FER1L5: variants seen among roughly 807,000 people sequenced by gnomAD.
FER1L5 encodes the protein fer-1 like family member 5.
In FER1L5, 187 loss-of-function variants were observed where a neutral mutation model predicts 279.9. That is an observed-to-expected ratio of 0.67 (90% CI 0.59 to 0.75). The LOEUF (loss-of-function observed/expected upper bound fraction) is 0.75, where lower values mean the gene tolerates loss of function less well. Ranked by LOEUF, FER1L5 falls within the 30% of genes least tolerant of loss-of-function variation. The pLI is 0.00. For missense variants in FER1L5, 2,091 were observed against 2,594.4 expected, an observed-to-expected ratio of 0.81 and a Z score of 4.21; for synonymous variants, 921 against 989.7, an observed-to-expected ratio of 0.93 and a Z score of 1.30.
rs1479650672 is a variant in FER1L5 at position 96,689,604 on chromosome 2, G to A, written c.2526-40G>A. ...CAGAAGACGGCCCTAGGGGCTGCTT[G>A]GGGAGTTGTGCTGGGAACTTGGGGT... On this transcript the variant is annotated intron_variant, in intron 25 of 52. Coordinates refer to ENST00000624922, the MANE Select transcript of FER1L5 (RefSeq NM_001293083.2). The surrounding 1 kb of genome is among the most constrained non-coding windows in gnomAD (Gnocchi z 4.6). 6.5e-7 allele frequency: 1 copy of A among 1,528,782 alleles called. No homozygotes were observed. The highest frequency in any genetic ancestry group is 8.9e-7 in the Non-Finnish European group (1 of 1,127,020). The allele number at this position is 1,528,782 out of a possible 1,614,324, so 94.7% of individuals were successfully genotyped here.
chr2:96,692,024 G>GGC lies in FER1L5; in HGVS notation c.3214+62_3214+63insCG, dbSNP rs1553461281. On this transcript the variant is annotated intron_variant, in intron 30 of 52. Coordinates refer to ENST00000624922, the MANE Select transcript of FER1L5 (RefSeq NM_001293083.2). ...CAGAGGCCAGTACCCGAGGGCGGGG[G>GGC]GGGGGGACAGGGTGGGGGCAGTCAG... The GGC allele has an allele frequency of 5.9e-6, 8 of 1,345,046 alleles. No individual in the cohort carries two copies. In the African/African-American group the frequency reaches 8.7e-5, roughly 15 times the overall value. 83.3% of individuals were successfully genotyped at this position (1,345,046 alleles called of 1,614,324 possible).
chr2:96,701,829 A>T (rs2077596210), intron 45 of FER1L5, 126 bp from the exon 46 acceptor site: 1 of 819,926 alleles, frequency 1.2e-6, no homozygotes, highest in Non-Finnish European at 2.0e-6. Context: ...ATATCTCTGT[A>T]CCCCACCCCT....
At chr2:96,659,240 G>A (rs921686571) in intron 9 of FER1L5, among the ~76,000 whole-genome samples, 1 of 150,972 alleles carries the variant, frequency 6.6e-6, no homozygotes, top group East Asian at 1.9e-4. Context: ...TCTTAACAGT[G>A]TCTTTCAAAA....
At chr2:96,658,441 C>G (rs1380278850) in intron 9 of FER1L5, among the ~76,000 whole-genome samples, 1 of 151,188 alleles carries the variant, frequency 6.6e-6, no homozygotes, top group Admixed American at 6.6e-5. Flanking sequence ...CTCAGCCTCC[C>G]GAGTAGCTGG....
In FER1L5 at chr2:96,695,491, C is replaced by A; in HGVS notation, c.3742-18C>A. On this transcript the variant is annotated intron_variant, in intron 34 of 52. Coordinates refer to ENST00000624922, the MANE Select transcript of FER1L5 (RefSeq NM_001293083.2). ...CGCTGCCTGCCCCTTGTCCTGCCCT[C>A]CTTCTTTGTTCTGGTAGATCCTGGC... 1 of 1,568,704 alleles carries A rather than the reference C, an allele frequency of 6.4e-7. No individual in the cohort carries two copies. The highest frequency in any genetic ancestry group is 2.3e-5 in the East Asian group (1 of 43,068).
intron 24 of FER1L5, among the ~76,000 whole-genome samples, chr2:96,688,407 A>G (rs955217044): frequency 2.6e-5 from 4 of 152,158 alleles, no homozygotes; most frequent in African/African-American, 7.2e-5. Flanking sequence ...GTGAAGGCCT[A>G]GAATGGTAGA....
intron 7 of FER1L5, 107 bp from the exon 8 acceptor site, chr2:96,653,533 T>C: frequency 1.1e-6 from 1 of 870,436 alleles, no homozygotes; most frequent in Non-Finnish European, 1.9e-6. Flanking sequence ...TTGAAATGGG[T>C]AAAGTTGTGG....
chr2:96,656,363 AC>A (rs1179249064), intron 9 of FER1L5, among the ~76,000 whole-genome samples: 1 of 152,208 alleles, frequency 6.6e-6, no homozygotes, highest in African/African-American at 2.4e-5. Context: ...CAGGCTGGGA[AC>A]GGTGGCTCAC....
At chr2:96,668,700 G>T (rs1040907585) in intron 14 of FER1L5, 51 bp from the exon 15 acceptor site, 1 of 1,548,910 alleles carries the variant, frequency 6.5e-7, no homozygotes, top group Non-Finnish European at 8.7e-7. Flanking sequence ...CTCCACGAGG[G>T]CCAGACCATC....
rs2077633524 is a variant in FER1L5 at position 96,702,738 on chromosome 2, G to A, written c.5394G>A (p.Gln1798=). ...LAAERTCVQS[Q]KDYIWSLDAT... Reference sequence around the variant, plus strand: ...CGGAGCGCACGTGTGTCCAGAGCCAGAAGGTAACAGGCCTGGGGCGTGAGG... The same window carrying A: ...CGGAGCGCACGTGTGTCCAGAGCCAAAAGGTAACAGGCCTGGGGCGTGAGG... The change falls in exon 48 of 53, where the codon CAG becomes CAA. Residue 1798 remains glutamine, a synonymous_variant. Coordinates refer to ENST00000624922, the MANE Select transcript of FER1L5 (RefSeq NM_001293083.2). The surrounding 1 kb of genome is among the most constrained non-coding windows in gnomAD (Gnocchi z 4.0). 6.2e-7 allele frequency: 1 copy of A among 1,612,744 alleles called. No individual in the cohort carries two copies.
In FER1L5 at chr2:96,647,898, C is replaced by A; in HGVS notation, c.339+12C>A. The A allele has an allele frequency of 6.5e-7, 1 of 1,540,016 alleles. No individual in the cohort carries two copies. The highest frequency in any genetic ancestry group is 8.8e-7 in the Non-Finnish European group (1 of 1,136,300). On this transcript the variant is annotated intron_variant, in intron 4 of 52. Coordinates refer to ENST00000624922, the MANE Select transcript of FER1L5 (RefSeq NM_001293083.2). ...TGAAGCCCACAGATGTGAGTCAGGC[C>A]CAGGAAGGCCCAGGCAGGGTGGCTG...
At position 96,703,154 on chromosome 2, in the gene FER1L5, G is replaced by C. The variant is rs267599500; in HGVS notation, c.5499G>C (p.Gly1833=). Residue 1833 remains glycine (G), a splice_region_variant and synonymous_variant, in exon 50 of 53, where the codon GGG becomes GGC. Coordinates refer to ENST00000624922, the MANE Select transcript of FER1L5 (RefSeq NM_001293083.2). Reference sequence around the variant, plus strand: ...CTGATGTCATTTTTCTGGGCTCAGGGGTCCTGGAGCTGGATTTGTCTGACA... The same window carrying C: ...CTGATGTCATTTTTCTGGGCTCAGGCGTCCTGGAGCTGGATTTGTCTGACA... ...NDIFSPDDFL[G]VLELDLSDMP... 1 of 1,612,820 alleles carries C rather than the reference G, an allele frequency of 6.2e-7. No individual in the cohort carries two copies. Among genetic ancestry groups the C allele is most frequent in the Non-Finnish European group, 8.5e-7 (1 of 1,179,024 alleles).
intron 9 of FER1L5, among the ~76,000 whole-genome samples, chr2:96,659,380 T>TCTTTCTTTCTTTCTTTCTTTC (rs2075797209): frequency 1.8e-4 from 2 of 11,048 alleles, no homozygotes; most frequent in South Asian, 7.1e-3. Context: ...TTTCTTTCTT[T>TCTTTCTTTCTTTCTTTCTTTC]CTTTCTTTCT....
At position 96,673,253 on chromosome 2, in the gene FER1L5, T is replaced by G; in HGVS notation, c.1668T>G (p.Asp556Glu). 1 of 1,548,172 alleles carries G rather than the reference T, an allele frequency of 6.5e-7. No homozygotes were observed. Among genetic ancestry groups the G allele is most frequent in the Non-Finnish European group, 8.7e-7 (1 of 1,144,114 alleles). The change falls in exon 19 of 53, where the codon GAT becomes GAG. Residue 556 changes from aspartate (D) to glutamate (E), a missense_variant and splice_region_variant. Asp to Glu is a conservative substitution (Grantham distance 45). Transcript: ENST00000624922. ...SSTPYSPVIY[D>E]GNIYHYVPWY... The stretch of plus-strand genomic sequence containing the variant: ...CACCGTACAGCCCAGTGATATATGA[T>G]GGTAATTGTCAGATTCAGGCAATAA...
intron 36 of FER1L5, 36 bp from the exon 37 acceptor site, chr2:96,696,016 C>T (rs368131284): frequency 6.2e-7 from 1 of 1,613,540 alleles, no homozygotes; most frequent in Non-Finnish European, 8.5e-7. Context: ...GCCCTCTCCC[C>T]ATCCTGAGAC....
At chr2:96,685,771 C>G (rs751991796) in intron 21 of FER1L5, among the ~76,000 whole-genome samples, 169 bp from the exon 22 acceptor site, 1 of 152,188 alleles carries the variant, frequency 6.6e-6, no homozygotes, top group Non-Finnish European at 1.5e-5. Context: ...GGACACACAG[C>G]GAGCAGGCTT....
At position 96,696,048 on chromosome 2, in the gene FER1L5, A is replaced by G; in HGVS notation, c.4058-4A>G. 1.2e-6 allele frequency: 2 copies of G among 1,613,672 alleles called. No individual in the cohort carries two copies. Among genetic ancestry groups the G allele is most frequent in the Non-Finnish European group, 1.7e-6 (2 of 1,179,836 alleles). Reference sequence around the variant, plus strand: ...AGACTCGTCCCTGCGCTCTCCCCGCACAGCGCTGTCTGAGAAGAAGCACCA... The same window carrying G: ...AGACTCGTCCCTGCGCTCTCCCCGCGCAGCGCTGTCTGAGAAGAAGCACCA... On this transcript the variant is annotated splice_region_variant and splice_polypyrimidine_tract_variant and intron_variant, in intron 36 of 52. Transcript: ENST00000624922.
chr2:96,702,955 A>C lies in FER1L5; in HGVS notation c.5398-23A>C. On this transcript the variant is annotated intron_variant, in intron 48 of 52. Coordinates refer to ENST00000624922, the MANE Select transcript of FER1L5 (RefSeq NM_001293083.2). This position sits in a 1 kb window ranked among gnomAD's most constrained non-coding sequence, Gnocchi z 4.0. ...AACGTCCAGGAGACAGGCCGGTAAC[A>C]CGCCCTTCCGCCATTTCCCCAGGAT... 6.2e-7 allele frequency: 1 copy of C among 1,600,896 alleles called. No individual in the cohort carries two copies. The highest frequency in any genetic ancestry group is 2.3e-5 in the East Asian group (1 of 44,150).
intron 24 of FER1L5, among the ~76,000 whole-genome samples, chr2:96,688,465 T>G (rs1558905596): frequency 1.3e-5 from 2 of 151,086 alleles, no homozygotes; most frequent in South Asian, 4.2e-4. Context: ...ACCTGGGGAG[T>G]GGGCGGGCGG....
Sources: allele counts gnomAD v4.1 joint callset (sites outside exome capture counted in the v4.1 genomes callset), GRCh38; gene constraint gnomAD v4.1.1; non-coding constraint Gnocchi (gnomAD v3.1); transcripts MANE v1.5; gene names NCBI Gene and HGNC (gene_info 2026-07-23, HGNC 2026-07-21).